The following NMNAT3 variants were observed in gnomAD, a reference collection of about 807,000 sequenced individuals.
NMNAT3 encodes nicotinamide/nicotinic acid mononucleotide adenylyltransferase 3.
NMNAT3 carries 21 observed loss-of-function variants against 24.8 expected under a neutral mutation model. The observed-to-expected ratio is 0.85, with a 90% CI of 0.60 to 1.22. NMNAT3 has a LOEUF of 1.22. NMNAT3 is among the 50% of genes most tolerant of loss of function. The pLI is 0.00. For missense variants in NMNAT3, 387 were observed against 436.6 expected, an observed-to-expected ratio of 0.89 and a Z score of 1.01; for synonymous variants, 136 against 155.2, an observed-to-expected ratio of 0.88 and a Z score of 0.92.
intron 3 of NMNAT3, among the ~76,000 whole-genome samples, chr3:139,585,202 T>C (rs2053883036): frequency 6.6e-6 from 1 of 152,234 alleles, no homozygotes; most frequent in Non-Finnish European, 1.5e-5. Context: ...TCTCTACCTA[T>C]AATTGCGAAT....
At chr3:139,570,532 CCTTT>C (rs1465369448) in intron 6 of NMNAT3, 1 of 152,132 alleles carries the variant, frequency 6.6e-6, no homozygotes, top group Non-Finnish European at 1.5e-5. Flanking sequence ...GTGTGGATGT[CCTTT>C]CTGTTTGTTA....
intron 3 of NMNAT3, among the ~76,000 whole-genome samples, chr3:139,607,404 A>C (rs1280811696): frequency 6.6e-6 from 1 of 152,190 alleles, no homozygotes; most frequent in Admixed American, 6.5e-5. Context: ...TACATAAAAT[A>C]GTTTCAAAAT....
rs573016984 is a variant in NMNAT3, at chr3:139,613,160, C to T, written c.109+14456G>A. On this transcript the variant is annotated intron_variant, in intron 3 of 6. Coordinates refer to ENST00000643695, the MANE Select transcript of NMNAT3 (RefSeq NM_001320510.2). ...GGATCTAATTAAACTAAAGAGCTTC[C>T]GCACAGCAAAAGAAACTACCATCAG... 1.0e-3 allele frequency among the ~76,000 whole-genome samples: 157 copies of T among 152,144 alleles called. 1 individual carries two copies. In the East Asian group the frequency reaches 0.012, roughly 11 times the overall value.
chr3:139,590,423 G>A (rs1200282641), intron 3 of NMNAT3, among the ~76,000 whole-genome samples: 2 of 152,144 alleles, frequency 1.3e-5, no homozygotes, highest in African/African-American at 4.8e-5. Context: ...GTGGAGGTGT[G>A]AGAGAGTGAA....
Position 139,560,949 on chromosome 3 carries a change from T to C in NMNAT3, c.*61A>G. 6.6e-7 allele frequency: 1 copy of C among 1,525,522 alleles called. No homozygotes were observed. The highest frequency in any genetic ancestry group is 8.8e-7 in the Non-Finnish European group (1 of 1,129,966). The allele number at this position is 1,525,522 out of a possible 1,614,324, so 94.5% of individuals were successfully genotyped here. Reference sequence around the variant, plus strand: ...AAAAACCAAAGTAAAACAGAAACCTTAACAGCCCTCTCCCCAGCAGGAGCT... The same window carrying C: ...AAAAACCAAAGTAAAACAGAAACCTCAACAGCCCTCTCCCCAGCAGGAGCT... On this transcript the variant is annotated 3_prime_UTR_variant, in exon 7 of 7. Transcript: ENST00000643695.
chr3:139,661,532 G>A (rs565166664), intron 1 of NMNAT3, among the ~76,000 whole-genome samples: 1 of 152,286 alleles, frequency 6.6e-6, no homozygotes, highest in African/African-American at 2.4e-5. Flanking sequence ...GTAGCCAGGT[G>A]TGTTGGTGTA....
intron 1 of NMNAT3, among the ~76,000 whole-genome samples, chr3:139,674,724 A>G (rs1311619349): frequency 6.6e-6 from 1 of 152,208 alleles, no homozygotes; most frequent in African/African-American, 2.4e-5. Context: ...CTTTGCTTCC[A>G]GATGGGACTC....
At chr3:139,563,198 G>C (rs1347420746) in intron 6 of NMNAT3, among the ~76,000 whole-genome samples, 1 of 152,134 alleles carries the variant, frequency 6.6e-6, no homozygotes, top group East Asian at 1.9e-4. Context: ...ACTAATTTGG[G>C]CTGGTCCCAT....
In NMNAT3 at chr3:139,583,218, A is replaced by C. The variant is rs1420007047; in HGVS notation, c.110-10T>G. 7 of 1,206,348 alleles carry C rather than the reference A, an allele frequency of 5.8e-6. No homozygotes were observed. Among genetic ancestry groups the C allele is most frequent in the Non-Finnish European group, 8.6e-6 (7 of 811,926 alleles). The allele number at this position is 1,206,348 out of a possible 1,614,324, so 74.7% of individuals were successfully genotyped here. ...TCCTTTTCTTCATATTCTGGAATAC[A>C]AGAAAACGTGTAAATGTTTGCAAAT... On this transcript the variant is annotated splice_polypyrimidine_tract_variant and intron_variant, in intron 3 of 6. Transcript: ENST00000643695.
At chr3:139,669,227 C>T (rs1438532845) in intron 1 of NMNAT3, among the ~76,000 whole-genome samples, 1 of 152,038 alleles carries the variant, frequency 6.6e-6, no homozygotes, top group Non-Finnish European at 1.5e-5. Context: ...AATCTCAGCA[C>T]TTCGGGAGGC....
intron 1 of NMNAT3, among the ~76,000 whole-genome samples, chr3:139,640,985 T>TGGCTAGAAATTA (rs555874218): frequency 7.4e-4 from 112 of 152,342 alleles, no homozygotes; most frequent in African/African-American, 2.6e-3. Context: ...GCTATTGTGT[T>TGGCTAGAAATTA]GGCTAGAAAT....
At chr3:139,597,541 A>G (rs981555048) in intron 3 of NMNAT3, among the ~76,000 whole-genome samples, 4 of 152,210 alleles carry the variant, frequency 2.6e-5, no homozygotes, top group African/African-American at 7.2e-5. Flanking sequence ...ACCTAAGATT[A>G]TATTGTTAAA....
intron 1 of NMNAT3, among the ~76,000 whole-genome samples, chr3:139,646,925 T>G (rs914819957): frequency 6.6e-6 from 1 of 152,224 alleles, no homozygotes; most frequent in Non-Finnish European, 1.5e-5. Context: ...GCCTAAGCAG[T>G]GTGCACTTCT....
intron 2 of NMNAT3, chr3:139,635,241 T>C (rs1251067072): frequency 1.3e-5 from 2 of 152,248 alleles, no homozygotes; most frequent in African/African-American, 4.8e-5. Flanking sequence ...TGGACACACA[T>C]TCGGCATCCT....
chr3:139,615,380 C>T (rs578141638), intron 3 of NMNAT3, among the ~76,000 whole-genome samples: 12 of 152,034 alleles, frequency 7.9e-5, no homozygotes, highest in East Asian at 1.9e-4. Flanking sequence ...GCTAAGATAG[C>T]GTTGTATGTG....
At chr3:139,584,035 C>G (rs2053802320) in intron 3 of NMNAT3, 1 of 160,606 alleles carries the variant, frequency 6.2e-6, no homozygotes, top group African/African-American at 2.4e-5. Flanking sequence ...TTCAAAGAAC[C>G]AACTTCTGGC....
In NMNAT3 at chr3:139,583,024, A is replaced by G; in HGVS notation, c.294T>C (p.Asn98=). Residue 98 remains asparagine, a synonymous_variant, in exon 4 of 7, where the codon AAT becomes AAC. Transcript: ENST00000643695. ...GTGTTGTGCCTTTGCACTTGCTGTC[A>G]TTCAAATCACAGAACGCTTGTTCTT... The G allele has an allele frequency of 6.2e-7, 1 of 1,607,388 alleles. No individual in the cohort carries two copies. Among genetic ancestry groups the G allele is most frequent in the East Asian group, 2.2e-5 (1 of 44,832 alleles).
rs563819129 is a variant in NMNAT3 at position 139,582,956 on chromosome 3, T to C, written c.362A>G (p.Asn121Ser). Reference sequence around the variant, plus strand: ...AAGTCGCTCATCAGTGAATATTTTGTTTGTTTGGTTCCAGGTGCTATCTAT... The same window carrying C: ...AAGTCGCTCATCAGTGAATATTTTGCTTGTTTGGTTCCAGGTGCTATCTAT... The change falls in exon 4 of 7, where the codon AAC becomes AGC. Residue 121 changes from asparagine (N) to serine (S), a missense_variant. Physicochemically the swap from Asn to Ser is conservative, Grantham distance 46. Coordinates refer to ENST00000643695, the MANE Select transcript of NMNAT3 (RefSeq NM_001320510.2). 6.6e-7 allele frequency: 1 copy of C among 1,525,284 alleles called. No homozygotes were observed. The highest frequency in any genetic ancestry group is 2.3e-5 in the East Asian group (1 of 42,976). 94.5% of individuals were successfully genotyped at this position (1,525,284 alleles called of 1,614,324 possible).
chr3:139,617,321 G>A lies in NMNAT3; in HGVS notation c.109+10295C>T, dbSNP rs146346212. Among the ~76,000 whole-genome samples, 441 of 152,242 alleles carry A rather than the reference G, an allele frequency of 2.9e-3. 1 individual carries two copies. Among genetic ancestry groups the A allele is most frequent in the African/African-American group, 9.8e-3 (407 of 41,550 alleles). On this transcript the variant is annotated intron_variant, in intron 3 of 6. Coordinates refer to ENST00000643695, the MANE Select transcript of NMNAT3 (RefSeq NM_001320510.2). ...TACAACACCCAACACAGGTGGACAC[G>A]CAATAAAAGATAAGGTGAATGAATG... is the stretch of plus-strand genomic sequence containing the variant.
Sources: allele counts gnomAD v4.1 joint callset (sites outside exome capture counted in the v4.1 genomes callset), GRCh38; gene constraint gnomAD v4.1.1; transcripts MANE v1.5; gene names NCBI Gene and HGNC (gene_info 2026-07-23, HGNC 2026-07-21).